GNL3L: variants seen among roughly 807,000 people sequenced by gnomAD.
GNL3L encodes the protein guanine nucleotide-binding protein-like 3-like protein.
In GNL3L, 4 loss-of-function variants were observed where a neutral mutation model predicts 42.9. That is an observed-to-expected ratio of 0.09 (90% CI 0.05 to 0.21). The LOEUF is 0.21. Ranked by LOEUF, GNL3L falls within the 10% of genes least tolerant of loss-of-function variation. The probability of loss-of-function intolerance (pLI) is 1.00; values close to 1 mark genes in which losing one functional copy is unlikely to be tolerated. For synonymous variants in GNL3L, 159 were observed against 176.3 expected (o/e 0.90, Z 0.78); for missense variants, 412 against 481.7 (o/e 0.86, Z 1.36).
At chrX:54,580,076 C>T (rs1925692150) in intron 16 of GNL3L, among the ~76,000 whole-genome samples, 1 of 96,672 alleles carries the variant, frequency 1.0e-5, no homozygotes, top group Non-Finnish European at 2.0e-5. Context: ...TATACATGTG[C>T]CATGTTGGTG....
downstream of GNL3L, among the ~76,000 whole-genome samples, chrX:54,568,964 G>A (rs1925506543): frequency 8.9e-6 from 1 of 112,392 alleles, no homozygotes; most frequent in Non-Finnish European, 1.9e-5. Flanking sequence ...TACTTTGCAT[G>A]CATTGGGATC....
intron 2 of GNL3L, among the ~76,000 whole-genome samples, chrX:54,533,059 G>T (rs1924305876): frequency 8.9e-6 from 1 of 111,937 alleles, no homozygotes; most frequent in South Asian, 3.7e-4. Flanking sequence ...CCTTGTAAGA[G>T]AATGTTTCCA....
At chrX:54,569,697 C>T (rs1018127685), downstream of GNL3L, among the ~76,000 whole-genome samples, 3 of 111,850 alleles carry the variant, frequency 2.7e-5, no homozygotes, top group African/African-American at 9.7e-5. Context: ...TATTGATCAT[C>T]TCAAAGAATC....
intron 16 of GNL3L, among the ~76,000 whole-genome samples, chrX:54,601,485 T>C (rs901815931): frequency 8.9e-6 from 1 of 112,091 alleles, no homozygotes; most frequent in African/African-American, 3.2e-5. Context: ...AGCCTTCTTA[T>C]CTTTGTTTTA....
At chrX:54,568,115 C>T (rs1453197227), downstream of GNL3L, among the ~76,000 whole-genome samples, 3 of 109,209 alleles carry the variant, frequency 2.7e-5, no homozygotes, top group South Asian at 4.0e-4. Flanking sequence ...ACTACAGGTG[C>T]GTGCCACCAC....
intron 16 of GNL3L, among the ~76,000 whole-genome samples, chrX:54,578,519 A>G: frequency 8.9e-6 from 1 of 112,299 alleles, no homozygotes; most frequent in East Asian, 2.8e-4. Flanking sequence ...AACTAACTCT[A>G]ATAGTTTTGC....
chrX:54,634,459 G>A, the GNL3L span, among the ~76,000 whole-genome samples: 3 of 106,954 alleles, frequency 2.8e-5, no homozygotes, highest in Admixed American at 9.8e-5. Flanking sequence ...GTGCCATCAC[G>A]CCCGGCTAAT....
At chrX:54,551,275 T>C (rs1226013557) in intron 10 of GNL3L, among the ~76,000 whole-genome samples, 1 of 112,453 alleles carries the variant, frequency 8.9e-6, no homozygotes, top group Non-Finnish European at 1.9e-5. Flanking sequence ...TGAATAACGA[T>C]GCAAGATTGG....
chrX:54,616,558 A>G (rs1449187109), intron 16 of GNL3L, among the ~76,000 whole-genome samples: 1 of 112,170 alleles, frequency 8.9e-6, no homozygotes, highest in Non-Finnish European at 1.9e-5. Context: ...ACTTTTAAGT[A>G]GTTTTTGTTC....
At chrX:54,625,827 AAGC>A (rs774522902), downstream of GNL3L, among the ~76,000 whole-genome samples, 1 of 111,062 alleles carries the variant, frequency 9.0e-6, no homozygotes, top group Admixed American at 9.6e-5. Context: ...GACAATGACA[AAGC>A]AGAAAAAGTT....
downstream of GNL3L, among the ~76,000 whole-genome samples, chrX:54,625,280 T>C (rs1926344233): frequency 1.1e-5 from 1 of 88,551 alleles, no homozygotes; most frequent in South Asian, 4.4e-4. Context: ...TTAGCTCTGG[T>C]TTTGTTTTGT....
chrX:54,592,949 C>G (rs1471803586), intron 16 of GNL3L, among the ~76,000 whole-genome samples: 1 of 111,831 alleles, frequency 8.9e-6, no homozygotes, highest in African/African-American at 3.2e-5. Flanking sequence ...GTTGAACCAT[C>G]CTTGTGTCCC....
At chrX:54,616,890 A>ATT (rs779892569) in intron 16 of GNL3L, among the ~76,000 whole-genome samples, 1 of 112,108 alleles carries the variant, frequency 8.9e-6, no homozygotes, top group African/African-American at 3.2e-5. Context: ...GATGGGACCA[A>ATT]TTTTTGCTTC....
chrX:54,583,647 A>C (rs1602001161), intron 16 of GNL3L, among the ~76,000 whole-genome samples: 1 of 106,825 alleles, frequency 9.4e-6, no homozygotes, highest in East Asian at 2.8e-4. Flanking sequence ...ATGTTTATAT[A>C]ATAATTTTTT....
chrX:54,626,246 T>G (rs749407817), downstream of GNL3L, among the ~76,000 whole-genome samples: 1 of 111,625 alleles, frequency 9.0e-6, no homozygotes, highest in Non-Finnish European at 1.9e-5. Flanking sequence ...ACTCAAATTT[T>G]TTTTAGCTCT....
downstream of GNL3L, among the ~76,000 whole-genome samples, chrX:54,626,278 A>T (rs1926362580): frequency 9.0e-6 from 1 of 111,662 alleles, no homozygotes; most frequent in Non-Finnish European, 1.9e-5. Context: ...GAAAATATGC[A>T]GTATTTATCG....
At chrX:54,595,533 G>C (rs1925921173) in intron 16 of GNL3L, among the ~76,000 whole-genome samples, 2 of 111,281 alleles carry the variant, frequency 1.8e-5, no homozygotes, top group African/African-American at 6.5e-5. Context: ...GGTTAAATCT[G>C]CATGGCGTTC....
At chrX:54,586,622 A>G (rs1925785890) in intron 16 of GNL3L, among the ~76,000 whole-genome samples, 1 of 112,392 alleles carries the variant, frequency 8.9e-6, no homozygotes, top group African/African-American at 3.2e-5. Flanking sequence ...GCAACTAGGG[A>G]AAGCAATCTT....
downstream of GNL3L, among the ~76,000 whole-genome samples, chrX:54,622,729 C>G (rs1926304150): frequency 9.0e-6 from 1 of 111,443 alleles, no homozygotes; most frequent in African/African-American, 3.3e-5. Context: ...CTGATGAAAT[C>G]TAATCTATTT....
Sources: allele counts gnomAD v4.1 joint callset (sites outside exome capture counted in the v4.1 genomes callset), GRCh38; gene constraint gnomAD v4.1.1; transcripts MANE v1.5; gene names NCBI Gene and HGNC (gene_info 2026-07-23, HGNC 2026-07-21).